Variants in ADD2 observed in about 807,000 individuals in gnomAD.
ADD2 encodes adducin 2, also known as beta-adducin.
Under a neutral mutation model 83.0 loss-of-function variants are expected in ADD2, and 23 were observed. That is an observed-to-expected ratio of 0.28 (90% CI 0.20 to 0.39). The LOEUF (loss-of-function observed/expected upper bound fraction) is 0.39. ADD2 is among the 10% of genes least tolerant of loss of function. The pLI, the probability that ADD2 is intolerant of heterozygous loss-of-function variation, is 1.00. For missense variants in ADD2, 758 were observed against 944.9 expected (o/e 0.80, Z 2.59); for synonymous variants, 375 against 375.4 (o/e 1.00, Z 0.01).
At chr2:70,708,807 C>A (rs1228132647) in intron 2 of ADD2, among the ~76,000 whole-genome samples, 2 of 152,232 alleles carry the variant, frequency 1.3e-5, no homozygotes, top group African/African-American at 4.8e-5. Flanking sequence ...TGACAAGTAG[C>A]TGAGTCTCAG....
At chr2:70,748,520 T>G (rs1553382418) in intron 1 of ADD2, among the ~76,000 whole-genome samples, 1 of 152,142 alleles carries the variant, frequency 6.6e-6, no homozygotes, top group African/African-American at 2.4e-5. Flanking sequence ...CAGGTCCATT[T>G]TATCCAGATC....
Position 70,735,510 on chromosome 2 carries a change from T to C in ADD2, c.-153-22326A>G, listed in dbSNP as rs560721155. On this transcript the variant is annotated intron_variant, in intron 1 of 15. Coordinates refer to ENST00000264436, the MANE Select transcript of ADD2 (RefSeq NM_001617.4). ...CACATACACAGCTACCTCCATGCCT[T>C]TTTCCTCAAACCTCGACCTCCACAC... Among the ~76,000 whole-genome samples, 11 of 152,144 alleles carry C rather than the reference T, an allele frequency of 7.2e-5. No individual in the cohort carries two copies. The South Asian group carries it at 2.3e-3, about 32-fold the overall frequency.
At chr2:70,697,055 A>G (rs569701408) in intron 4 of ADD2, among the ~76,000 whole-genome samples, 44 of 152,308 alleles carry the variant, frequency 2.9e-4, no homozygotes, top group African/African-American at 1.1e-3. Flanking sequence ...GCTACTCAGG[A>G]GGCTGAGGCA....
At chr2:70,698,731 A>G (rs1671432953) in intron 4 of ADD2, among the ~76,000 whole-genome samples, 1 of 152,222 alleles carries the variant, frequency 6.6e-6, no homozygotes, top group Admixed American at 6.5e-5. Context: ...ATAATATTAC[A>G]ACAAGTTTTT....
Position 70,663,402 on chromosome 2 carries a change from A to G in ADD2, c.*23T>C, listed in dbSNP as rs2104137682. On this transcript the variant is annotated 3_prime_UTR_variant, in exon 16 of 16. Transcript: ENST00000264436. ...AAGGGGAGGAGAGAGAGGAGGCAGG[A>G]GGGAGCCCAAGGGTGTCATGAATCA... The G allele has an allele frequency of 6.3e-7, 1 of 1,595,954 alleles. No individual in the cohort carries two copies. Among genetic ancestry groups the G allele is most frequent in the East Asian group, 2.2e-5 (1 of 44,790 alleles).
At position 70,768,164 on chromosome 2, in the gene ADD2, T is replaced by G. The variant is rs1386045207; in HGVS notation, c.-432A>C. 5.0e-6 allele frequency: 3 copies of G among 598,932 alleles called. No homozygotes were observed. In the Admixed American group the frequency reaches 9.4e-5, roughly 19 times the overall value. 37.1% of individuals were successfully genotyped at this position (598,932 alleles called of 1,614,324 possible). ...TCCCTCACAGCCCTGCCGTCAGAAT[T>G]AAAGCCATTTCCCGCACGAGGCTGG... On this transcript the variant is annotated 5_prime_UTR_variant, in exon 1 of 16. Coordinates refer to ENST00000264436, the MANE Select transcript of ADD2 (RefSeq NM_001617.4).
intron 2 of ADD2, among the ~76,000 whole-genome samples, chr2:70,710,062 C>G (rs782327329): frequency 1.3e-5 from 2 of 152,206 alleles, no homozygotes; most frequent in African/African-American, 2.4e-5. Context: ...AGTGACTCAT[C>G]ATAGTAAATT....
chr2:70,758,447 G>A (rs1674912308), intron 1 of ADD2, among the ~76,000 whole-genome samples: 1 of 151,310 alleles, frequency 6.6e-6, no homozygotes, highest in African/African-American at 2.4e-5. Context: ...GGTTGGGAGG[G>A]TGGGAAAGCA....
chr2:70,672,800 C>T (rs182891869), intron 15 of ADD2, 78 bp downstream of exon 15: 270 of 1,480,400 alleles, frequency 1.8e-4, no homozygotes, highest in Non-Finnish European at 2.3e-4. Context: ...AGGGGCAACA[C>T]GAGTGGAAGG....
intron 1 of ADD2, chr2:70,767,665 A>G: frequency 5.2e-5 from 72 of 1,373,234 alleles, no homozygotes; most frequent in Non-Finnish European, 6.7e-5. Flanking sequence ...CAGTGCTTGC[A>G]GCCCCGATTT....
chr2:70,721,612 C>T lies in ADD2; in HGVS notation c.-153-8428G>A, dbSNP rs568740692. Among the ~76,000 whole-genome samples the T allele has an allele frequency of 2.6e-5, 4 of 152,282 alleles. No individual in the cohort carries two copies. In the South Asian group the frequency reaches 6.2e-4, roughly 24 times the overall value. The stretch of plus-strand genomic sequence containing the variant: ...TACAACCTTCAGGGAAAATAGCTTC[C>T]GGCAAAATGTGTTGAGAAAGCCACG... On this transcript the variant is annotated intron_variant, in intron 1 of 15. Transcript: ENST00000264436.
At chr2:70,755,069 A>T (rs1425749676) in intron 1 of ADD2, among the ~76,000 whole-genome samples, 1 of 152,156 alleles carries the variant, frequency 6.6e-6, no homozygotes, top group Non-Finnish European at 1.5e-5. Context: ...CCCTGCCTGC[A>T]TCTGGGCCAT....
At chr2:70,745,493 G>T (rs1674145763) in intron 1 of ADD2, among the ~76,000 whole-genome samples, 1 of 152,162 alleles carries the variant, frequency 6.6e-6, no homozygotes, top group Non-Finnish European at 1.5e-5. Flanking sequence ...ATGTGAAGGG[G>T]TTGGTCTCTT....
chr2:70,741,087 G>GA (rs1227646073), intron 1 of ADD2, among the ~76,000 whole-genome samples: 4 of 152,194 alleles, frequency 2.6e-5, no homozygotes, highest in Non-Finnish European at 4.4e-5. Context: ...CTTGATGTGG[G>GA]AGAGGATGAT....
At chr2:70,720,054 A>C (rs1553377065) in intron 1 of ADD2, among the ~76,000 whole-genome samples, 1 of 151,898 alleles carries the variant, frequency 6.6e-6, no homozygotes, top group African/African-American at 2.4e-5. Context: ...GGTGGGAATA[A>C]ATGCTCATTT....
At position 70,747,212 on chromosome 2, in the gene ADD2, G is replaced by A. The variant is rs368119148; in HGVS notation, c.-154+20674C>T. Among the ~76,000 whole-genome samples, 333 of 152,028 alleles carry A rather than the reference G, an allele frequency of 2.2e-3. 1 individual carries two copies. Among genetic ancestry groups the A allele is most frequent in the African/African-American group, 6.4e-3 (267 of 41,470 alleles). On this transcript the variant is annotated intron_variant, in intron 1 of 15. Transcript: ENST00000264436. ...TTTTTAGTAGAGATGGGGTTTCACC[G>A]TGTTAGCCAGGATGGTCTCGATCTC... is the stretch of plus-strand genomic sequence containing the variant.
intron 4 of ADD2, among the ~76,000 whole-genome samples, 170 bp from the exon 5 acceptor site, chr2:70,696,566 G>A (rs1412471705): frequency 5.3e-5 from 8 of 152,150 alleles, no homozygotes; most frequent in African/African-American, 1.2e-4. Flanking sequence ...CAGAATCGAC[G>A]TCTGTGCCCA....
intron 1 of ADD2, among the ~76,000 whole-genome samples, chr2:70,759,566 T>C (rs988139215): frequency 2.6e-5 from 4 of 152,036 alleles, no homozygotes; most frequent in African/African-American, 7.2e-5. Flanking sequence ...ATTCTTGCAG[T>C]AGTGAGTGAG....
chr2:70,693,866 G>A (rs1671178278), intron 6 of ADD2, among the ~76,000 whole-genome samples: 1 of 152,034 alleles, frequency 6.6e-6, no homozygotes, highest in Non-Finnish European at 1.5e-5. Context: ...GCCTAATACA[G>A]CAGCCACCCT....
Sources: allele counts gnomAD v4.1 joint callset (sites outside exome capture counted in the v4.1 genomes callset), GRCh38; gene constraint gnomAD v4.1.1; transcripts MANE v1.5; gene names NCBI Gene and HGNC (gene_info 2026-07-23, HGNC 2026-07-21).